KPNA5: variants seen among roughly 807,000 people sequenced by gnomAD.
The protein encoded by KPNA5 is importin subunit alpha-6.
A neutral mutation model predicts 71.3 loss-of-function variants in KPNA5; 46 were observed. That is an observed-to-expected ratio of 0.65 (90% CI 0.51 to 0.83). The LOEUF (loss-of-function observed/expected upper bound fraction) is 0.83, where lower values mean the gene tolerates loss of function less well. Ranked by LOEUF, KPNA5 falls within the 40% of genes least tolerant of loss-of-function variation. The pLI, the probability that KPNA5 is intolerant of heterozygous loss-of-function variation, is 0.00. For synonymous variants in KPNA5, 207 were observed against 201.4 expected (o/e 1.03, Z -0.24); for missense variants, 547 against 628.3 (o/e 0.87, Z 1.38).
intron 4 of KPNA5, among the ~76,000 whole-genome samples, chr6:116,697,732 T>C (rs1015331155): frequency 6.6e-6 from 1 of 151,950 alleles, no homozygotes; most frequent in Non-Finnish European, 1.5e-5. Context: ...ATAGATAACA[T>C]AGTAATATAC....
At chr6:116,706,717 G>T (rs1182494144) in intron 7 of KPNA5, among the ~76,000 whole-genome samples, 3 of 151,892 alleles carry the variant, frequency 2.0e-5, no homozygotes, top group African/African-American at 7.3e-5. Context: ...TCCAAAAAGG[G>T]TATTAAAAAG....
At chr6:116,687,421 T>A (rs1232073040) in intron 1 of KPNA5, among the ~76,000 whole-genome samples, 1 of 152,186 alleles carries the variant, frequency 6.6e-6, no homozygotes, top group Admixed American at 6.6e-5. Flanking sequence ...TAGGAGCAGC[T>A]TGAGGGAGTT....
intron 13 of KPNA5, among the ~76,000 whole-genome samples, chr6:116,731,355 C>T (rs1475108336): frequency 1.3e-5 from 2 of 152,070 alleles, no homozygotes; most frequent in African/African-American, 4.8e-5. Flanking sequence ...AGAATATTGT[C>T]TTACTACAGT....
chr6:116,717,778 C>G (rs1303669060), intron 8 of KPNA5, among the ~76,000 whole-genome samples: 1 of 152,136 alleles, frequency 6.6e-6, no homozygotes, highest in Non-Finnish European at 1.5e-5. Context: ...GGGTGCGCTG[C>G]CTCCATGTCC....
At chr6:116,722,382 G>GT (rs1316384202) in intron 9 of KPNA5, 93 bp downstream of exon 9, 1 of 1,016,794 alleles carries the variant, frequency 9.8e-7, no homozygotes, top group African/African-American at 1.6e-5. Context: ...AAGAGTCACT[G>GT]TCTTCAGGGA....
At position 116,740,468 on chromosome 6, in the gene KPNA5, A is replaced by G. The variant is rs1426709706; in HGVS notation, c.*8145A>G. The G allele has an allele frequency of 6.6e-6, 1 of 152,238 alleles. No homozygotes were observed. The highest frequency in any genetic ancestry group is 6.5e-5 in the Admixed American group (1 of 15,282). 9.4% of individuals were successfully genotyped at this position (152,238 alleles called of 1,614,324 possible). ...TCAGTGATCTAGAACTAGAAATACC[A>G]TTTGACCCAGCCATCCCATTACTGG... On this transcript the variant is annotated 3_prime_UTR_variant, in exon 14 of 14. Transcript: ENST00000368564.
chr6:116,686,562 C>T (rs1777597647), intron 1 of KPNA5, among the ~76,000 whole-genome samples: 1 of 152,162 alleles, frequency 6.6e-6, no homozygotes, highest in Non-Finnish European at 1.5e-5. Context: ...AATTAGATCC[C>T]ATTTGTCAAT....
Position 116,732,142 on chromosome 6 carries a change from A to G in KPNA5, c.1439A>G (p.Asp480Gly), listed in dbSNP as rs1779524482. Residue 480 changes from aspartate (D) to glycine (G), a missense_variant, in exon 14 of 14, where the codon GAT becomes GGT. Physicochemically the swap from Asp to Gly is moderately conservative, Grantham distance 94. Coordinates refer to ENST00000368564, the MANE Select transcript of KPNA5 (RefSeq NM_001366306.2). ...CALIEEAYGL[D>G]KIEFLQSHEN... ...TATATACTTTGTATAACAGGTCTGG[A>G]TAAAATTGAGTTTTTGCAAAGCCAT... The G allele has an allele frequency of 1.5e-6, 2 of 1,362,914 alleles. No individual in the cohort carries two copies. The highest frequency in any genetic ancestry group is 2.2e-5 in the Admixed American group (1 of 46,170). 84.4% of individuals were successfully genotyped at this position (1,362,914 alleles called of 1,614,324 possible).
intron 4 of KPNA5, among the ~76,000 whole-genome samples, chr6:116,694,718 T>C (rs1252007261): frequency 6.6e-6 from 1 of 152,044 alleles, no homozygotes; most frequent in East Asian, 1.9e-4. Flanking sequence ...GAGCATAAAA[T>C]AATGTAATCA....
At chr6:116,685,519 T>C (rs982253241) in intron 1 of KPNA5, among the ~76,000 whole-genome samples, 7 of 152,242 alleles carry the variant, frequency 4.6e-5, no homozygotes, top group African/African-American at 1.2e-4. Flanking sequence ...CTCCCACTTA[T>C]AAGTAAGAAC....
Position 116,710,893 on chromosome 6 carries a change from ATTTTTTT to A in KPNA5, c.657-5313_657-5307del, listed in dbSNP as rs67301038. Among the ~76,000 whole-genome samples, 678 of 86,718 alleles carry A rather than the reference ATTTTTTT, an allele frequency of 7.8e-3. 27 individuals carry two copies. Among genetic ancestry groups the A allele is most frequent in the African/African-American group, 0.025 (554 of 22,328 alleles). 56.9% of individuals were successfully genotyped at this position (86,718 alleles called of 152,430 possible). ...TTATTTTATATATATATATATATAT[ATTTTTTT>A]TTTTTTTTTTTTGAGTTGGAGTCTT... On this transcript the variant is annotated intron_variant, in intron 7 of 13. Transcript: ENST00000368564.
At chr6:116,692,861 A>T (rs1328190750) in intron 4 of KPNA5, among the ~76,000 whole-genome samples, 1 of 152,146 alleles carries the variant, frequency 6.6e-6, no homozygotes, top group African/African-American at 2.4e-5. Flanking sequence ...CATTAGTTAT[A>T]TCTCCTAATG....
rs755887646 is a variant in KPNA5 at position 116,692,282 on chromosome 6, G to A, written c.241-11G>A. 67 of 1,525,510 alleles carry A rather than the reference G, an allele frequency of 4.4e-5. No individual in the cohort carries two copies. The Admixed American group carries it at 1.3e-3, about 29-fold the overall frequency. 94.5% of individuals were successfully genotyped at this position (1,525,510 alleles called of 1,614,324 possible). A position where few individuals can be genotyped will look rare whatever the true frequency, so the allele number is the denominator to read the frequency against. On this transcript the variant is annotated splice_polypyrimidine_tract_variant and intron_variant, in intron 3 of 13. Coordinates refer to ENST00000368564, the MANE Select transcript of KPNA5 (RefSeq NM_001366306.2). Reference sequence around the variant, plus strand: ...GTAAATGTTAATTATATTTTTGTGTGTGTGTTTTAGGAAGAAGTTGTTACT... The same window carrying A: ...GTAAATGTTAATTATATTTTTGTGTATGTGTTTTAGGAAGAAGTTGTTACT...
At position 116,732,074 on chromosome 6, in the gene KPNA5, T is replaced by TTATATATATATA. The variant is rs2243369; in HGVS notation, c.1433-25_1433-14dup. On this transcript the variant is annotated intron_variant, in intron 13 of 13. Coordinates refer to ENST00000368564, the MANE Select transcript of KPNA5 (RefSeq NM_001366306.2). ...TACTGAAATTGTAGTAACAGTTTGT[T>TTATATATATATA]TATATATATATATATATATATATAT... 5.6e-3 allele frequency: 379 copies of TTATATATATATA among 67,472 alleles called. 24 individuals carry two copies. The highest frequency in any genetic ancestry group is 8.8e-3 in the Middle Eastern group (1 of 114). 4.2% of individuals were successfully genotyped at this position (67,472 alleles called of 1,614,324 possible).
chr6:116,691,508 CTA>C (rs953838128), intron 2 of KPNA5, among the ~76,000 whole-genome samples: 1 of 152,154 alleles, frequency 6.6e-6, no homozygotes, highest in African/African-American at 2.4e-5. Context: ...CCAACTGTAC[CTA>C]TAAATCTCCT....
chr6:116,704,990 T>G (rs1490309224), intron 6 of KPNA5, 82 bp from the exon 7 acceptor site: 7 of 877,908 alleles, frequency 8.0e-6, no homozygotes, highest in Non-Finnish European at 1.2e-5. Context: ...GTTGCTTTGT[T>G]CATTGTGTAC....
intron 6 of KPNA5, among the ~76,000 whole-genome samples, chr6:116,703,372 C>T (rs1778302487): frequency 6.6e-6 from 1 of 151,864 alleles, no homozygotes; most frequent in Admixed American, 6.6e-5. Flanking sequence ...AAGCGATTCT[C>T]CTGCCTCAGC....
chr6:116,695,660 C>T (rs1777999034), intron 4 of KPNA5, among the ~76,000 whole-genome samples: 1 of 152,130 alleles, frequency 6.6e-6, no homozygotes. Flanking sequence ...ATTTAACTTT[C>T]ATTTTCTGTT....
chr6:116,731,930 C>T (rs1388346078), intron 13 of KPNA5, among the ~76,000 whole-genome samples: 3 of 151,490 alleles, frequency 2.0e-5, no homozygotes, highest in Non-Finnish European at 2.9e-5. Flanking sequence ...TACATACTCT[C>T]ATTCTTGAAG....
Sources: gnomAD v4.1 joint callset for allele counts (sites outside exome capture counted in the v4.1 genomes callset) on GRCh38, gnomAD v4.1.1 for gene constraint, MANE v1.5 for transcripts, NCBI Gene and HGNC (gene_info 2026-07-23, HGNC 2026-07-21) for gene names.